The following MAML3 variants were observed in gnomAD, a reference collection of about 807,000 sequenced individuals.
The protein encoded by MAML3 is mastermind like transcriptional coactivator 3, also known as mastermind-like protein 3.
MAML3 carries 27 observed loss-of-function variants against 101.9 expected under a neutral mutation model. The ratio of observed to expected loss-of-function variants is 0.27; its 90% CI spans 0.20 to 0.37. MAML3 has a LOEUF of 0.37. MAML3 is among the 10% of genes least tolerant of loss of function. The probability of loss-of-function intolerance (pLI) is 1.00; values close to 1 mark genes in which losing one functional copy is unlikely to be tolerated. For synonymous variants in MAML3, 501 were observed against 555.9 expected (o/e 0.90, Z 1.39); for missense variants, 1,316 against 1,444.9 (o/e 0.91, Z 1.45).
At chr4:140,058,889 C>T (rs909759832) in intron 1 of MAML3, among the ~76,000 whole-genome samples, 4 of 152,094 alleles carry the variant, frequency 2.6e-5, no homozygotes, top group Admixed American at 6.6e-5. Flanking sequence ...AAAAGAGAAT[C>T]GGTATGAGAC....
intron 1 of MAML3, among the ~76,000 whole-genome samples, chr4:139,931,630 A>T (rs1218651778): frequency 1.3e-5 from 2 of 152,082 alleles, no homozygotes; most frequent in Admixed American, 6.5e-5. Context: ...TTCTGCCTAA[A>T]CTTCTGCCCC....
intron 1 of MAML3, among the ~76,000 whole-genome samples, chr4:140,148,764 T>G (rs186331833): frequency 6.6e-6 from 1 of 152,362 alleles, no homozygotes; most frequent in East Asian, 1.9e-4. Flanking sequence ...TGGAACATTT[T>G]GGATGGGTTG....
chr4:140,096,852 GA>G (rs1197667110), intron 1 of MAML3, among the ~76,000 whole-genome samples: 1 of 152,030 alleles, frequency 6.6e-6, no homozygotes, highest in African/African-American at 2.4e-5. Flanking sequence ...TACCTGCAGA[GA>G]AAAGGAAGTT....
intron 2 of MAML3, among the ~76,000 whole-genome samples, chr4:139,830,500 C>T (rs951817598): frequency 4.7e-4 from 71 of 150,314 alleles, no homozygotes; most frequent in Admixed American, 2.9e-3. Context: ...CTGCAAGCGC[C>T]GCCTCCCGGG....
intron 2 of MAML3, among the ~76,000 whole-genome samples, chr4:139,788,733 A>C (rs1730349952): frequency 6.6e-6 from 1 of 152,248 alleles, no homozygotes. Flanking sequence ...TCCGTCAAAG[A>C]GGACATGCCT....
At chr4:139,984,613 A>G (rs1734504201) in intron 1 of MAML3, among the ~76,000 whole-genome samples, 1 of 152,186 alleles carries the variant, frequency 6.6e-6, no homozygotes, top group Non-Finnish European at 1.5e-5. Flanking sequence ...AAAAAACAGA[A>G]CCAACATGAG....
At chr4:140,052,978 TA>T (rs1182804046) in intron 1 of MAML3, among the ~76,000 whole-genome samples, 5 of 152,206 alleles carry the variant, frequency 3.3e-5, no homozygotes, top group Non-Finnish European at 7.3e-5. Flanking sequence ...GAAACTGTTT[TA>T]ATATAAAGCC....
chr4:139,992,032 A>C (rs1271657125), intron 1 of MAML3, among the ~76,000 whole-genome samples: 1 of 152,146 alleles, frequency 6.6e-6, no homozygotes, highest in East Asian at 1.9e-4. Context: ...AACCAATACA[A>C]AGCAGCCCCA....
At chr4:139,803,606 G>T (rs191055096) in intron 2 of MAML3, among the ~76,000 whole-genome samples, 9 of 152,150 alleles carry the variant, frequency 5.9e-5, no homozygotes, top group Non-Finnish European at 1.3e-4. Context: ...GTGTATGCAG[G>T]GTGGCAGCTG....
intron 1 of MAML3, among the ~76,000 whole-genome samples, chr4:140,090,690 T>C (rs1164566496): frequency 1.3e-5 from 2 of 152,186 alleles, no homozygotes; most frequent in African/African-American, 4.8e-5. Context: ...GAATAACTTA[T>C]TCATCTTCGT....
At chr4:140,050,737 A>G (rs975232944) in intron 1 of MAML3, among the ~76,000 whole-genome samples, 1 of 152,220 alleles carries the variant, frequency 6.6e-6, no homozygotes, top group South Asian at 2.1e-4. Flanking sequence ...GTCAATCTAT[A>G]AAGTGACCAA....
At chr4:139,726,300 A>G (rs369418182) in intron 3 of MAML3, among the ~76,000 whole-genome samples, 48 of 152,366 alleles carry the variant, frequency 3.2e-4, no homozygotes, top group African/African-American at 1.1e-3. Flanking sequence ...ATAGTATTCC[A>G]TCATATGAAT....
At chr4:140,145,483 G>T (rs1256107334) in intron 1 of MAML3, among the ~76,000 whole-genome samples, 3 of 152,174 alleles carry the variant, frequency 2.0e-5, no homozygotes, top group Non-Finnish European at 4.4e-5. Flanking sequence ...TAATTAAAAG[G>T]TGCCTAAATT....
chr4:139,892,400 A>T (rs982579993), intron 1 of MAML3, among the ~76,000 whole-genome samples: 3 of 152,040 alleles, frequency 2.0e-5, no homozygotes, highest in Non-Finnish European at 2.9e-5. Flanking sequence ...CCACCTCCAA[A>T]ATATAACTAA....
intron 2 of MAML3, among the ~76,000 whole-genome samples, chr4:139,802,860 C>T (rs540192866): frequency 5.8e-4 from 89 of 152,300 alleles, no homozygotes; most frequent in African/African-American, 2.1e-3. Flanking sequence ...TAAATATATA[C>T]TTAAAGTGCT....
intron 2 of MAML3, among the ~76,000 whole-genome samples, chr4:139,819,618 C>T (rs901565829): frequency 5.3e-5 from 8 of 152,066 alleles, no homozygotes; most frequent in Admixed American, 6.6e-5. Context: ...TACTGCCACC[C>T]GATAAGTGGT....
intron 1 of MAML3, among the ~76,000 whole-genome samples, chr4:140,042,521 C>G (rs1328750201): frequency 6.6e-6 from 1 of 152,060 alleles, no homozygotes; most frequent in African/African-American, 2.4e-5. Flanking sequence ...GTAGTCCCAG[C>G]TACTTGGGAG....
chr4:139,880,219 A>G (rs946819432), intron 2 of MAML3, among the ~76,000 whole-genome samples: 4 of 152,084 alleles, frequency 2.6e-5, no homozygotes, highest in South Asian at 2.1e-4. Flanking sequence ...TCTTCTAGAA[A>G]GCTCATTCCT....
At chr4:140,134,442 A>T (rs982781768) in intron 1 of MAML3, 10 of 454,874 alleles carry the variant, frequency 2.2e-5, no homozygotes, top group African/African-American at 1.4e-4. Context: ...CAGCAAGTGC[A>T]TATCTACTTA....
Sources: allele counts gnomAD v4.1 joint callset (sites outside exome capture counted in the v4.1 genomes callset), GRCh38; gene constraint gnomAD v4.1.1; transcripts MANE v1.5; gene names NCBI Gene and HGNC (gene_info 2026-07-23, HGNC 2026-07-21).